The following FAF1 variants were observed in gnomAD, a reference collection of about 807,000 sequenced individuals.
FAF1 encodes FAS-associated factor 1.
In FAF1, 25 loss-of-function variants were observed where a neutral mutation model predicts 92.5. That is an observed-to-expected ratio of 0.27 (90% CI 0.20 to 0.38). The LOEUF is 0.38. Among genes scored for constraint, FAF1 ranks in the 10% least tolerant of loss-of-function variants. FAF1 has a pLI of 1.00. For synonymous variants in FAF1, 234 were observed against 273.2 expected, an observed-to-expected ratio of 0.86 and a Z score of 1.42; for missense variants, 636 against 793.3, an observed-to-expected ratio of 0.80 and a Z score of 2.38.
chr1:50,645,857 AT>A (rs1654553856), intron 8 of FAF1, among the ~76,000 whole-genome samples: 1 of 152,136 alleles, frequency 6.6e-6, no homozygotes, highest in Admixed American at 6.6e-5. Context: ...AAGAAAAAAA[AT>A]AAATCGGTGT....
At chr1:50,887,565 G>A (rs932715794) in intron 1 of FAF1, among the ~76,000 whole-genome samples, 6 of 152,168 alleles carry the variant, frequency 3.9e-5, no homozygotes, top group African/African-American at 1.4e-4. Flanking sequence ...GAAGGTGTAA[G>A]GAAGGGATCC....
At chr1:50,539,551 A>G in intron 14 of FAF1, 41 bp downstream of exon 14, 1 of 1,489,652 alleles carries the variant, frequency 6.7e-7, no homozygotes, top group Non-Finnish European at 9.1e-7. Flanking sequence ...AAGTTATCAC[A>G]TACCAGGAAG....
intron 2 of FAF1, among the ~76,000 whole-genome samples, chr1:50,841,405 C>T (rs1359146726): frequency 6.6e-6 from 1 of 151,912 alleles, no homozygotes; most frequent in African/African-American, 2.4e-5. Flanking sequence ...GGAAACATAC[C>T]AAAGTGCCAA....
Position 50,908,660 on chromosome 1 carries a change from T to G in FAF1, c.46-50663A>C, listed in dbSNP as rs372110211. On this transcript the variant is annotated intron_variant, in intron 1 of 18. Coordinates refer to ENST00000396153, the MANE Select transcript of FAF1 (RefSeq NM_007051.3). ...TTTGTCTCTTTTGATCTTTGTTGGT[T>G]TAAAGTCTGTTTTATCAGAGACTAG... Among the ~76,000 whole-genome samples, 29 of 152,278 alleles carry G rather than the reference T, an allele frequency of 1.9e-4. No homozygotes were observed. In the East Asian group the frequency reaches 2.1e-3, roughly 11 times the overall value.
chr1:50,720,679 A>ACC (rs1266942496), intron 6 of FAF1, among the ~76,000 whole-genome samples: 5 of 152,062 alleles, frequency 3.3e-5, no homozygotes, highest in Admixed American at 6.6e-5. Context: ...ACTGTCCTGA[A>ACC]CCCCCACCCT....
At chr1:50,842,014 T>C (rs1484764692) in intron 2 of FAF1, among the ~76,000 whole-genome samples, 2 of 152,104 alleles carry the variant, frequency 1.3e-5, no homozygotes, top group East Asian at 3.8e-4. Context: ...TTACACTTCC[T>C]GACTGACCAG....
intron 8 of FAF1, among the ~76,000 whole-genome samples, chr1:50,608,571 T>C (rs2124127606): frequency 6.6e-6 from 1 of 152,244 alleles, no homozygotes; most frequent in African/African-American, 2.4e-5. Flanking sequence ...GTACAACGGA[T>C]GAGGGGACCT....
chr1:50,746,764 G>A (rs1659638900), intron 4 of FAF1, among the ~76,000 whole-genome samples: 1 of 152,170 alleles, frequency 6.6e-6, no homozygotes, highest in Non-Finnish European at 1.5e-5. Context: ...CTAAAACAAT[G>A]AAGAAAAGGC....
At chr1:50,554,410 G>GAGAGAGAGAGAGAGAGAC in intron 13 of FAF1, among the ~76,000 whole-genome samples, 1 of 147,748 alleles carries the variant, frequency 6.8e-6, no homozygotes, top group Non-Finnish European at 1.5e-5. Context: ...GAGAGAGAGA[G>GAGAGAGAGAGAGAGAGAC]AGAGAGTCTT....
At chr1:50,725,831 C>G (rs1357558028) in intron 6 of FAF1, among the ~76,000 whole-genome samples, 2 of 152,220 alleles carry the variant, frequency 1.3e-5, no homozygotes, top group Non-Finnish European at 2.9e-5. Context: ...GAATTTACTC[C>G]TGCTTGAACA....
At chr1:50,619,313 T>G (rs1427863900) in intron 8 of FAF1, among the ~76,000 whole-genome samples, 1 of 152,226 alleles carries the variant, frequency 6.6e-6, no homozygotes, top group Non-Finnish European at 1.5e-5. Context: ...CCTGATTGTA[T>G]AATTGCTTTT....
intron 1 of FAF1, among the ~76,000 whole-genome samples, chr1:50,936,498 G>GT (rs1053779408): frequency 2.0e-5 from 3 of 152,144 alleles, no homozygotes; most frequent in Non-Finnish European, 2.9e-5. Flanking sequence ...ACAAAATGAC[G>GT]TAAGTTCAAG....
intron 14 of FAF1, among the ~76,000 whole-genome samples, chr1:50,538,616 T>A (rs1648609873): frequency 6.6e-6 from 1 of 150,576 alleles, no homozygotes; most frequent in Admixed American, 6.6e-5. Flanking sequence ...ACAGATATCC[T>A]AAAAGGGTCT....
chr1:50,661,052 A>C (rs778629772), intron 7 of FAF1, among the ~76,000 whole-genome samples: 1 of 152,234 alleles, frequency 6.6e-6, no homozygotes, highest in Non-Finnish European at 1.5e-5. Context: ...GAGAAACAAT[A>C]GAAAAAAATA....
chr1:50,454,039 CT>C (rs1646324642), intron 18 of FAF1, among the ~76,000 whole-genome samples: 1 of 152,218 alleles, frequency 6.6e-6, no homozygotes, highest in South Asian at 2.1e-4. Flanking sequence ...GGTGTACCAC[CT>C]TATGGACCTG....
intron 15 of FAF1, among the ~76,000 whole-genome samples, chr1:50,527,868 C>CCTCTCTCTCTCTCTCTCTCTCTCTCT (rs1332650562): frequency 1.7e-5 from 1 of 57,198 alleles, no homozygotes; most frequent in Non-Finnish European, 3.2e-5. Context: ...TCCCTCTCTC[C>CCTCTCTCTCTCTCTCTCTCTCTCTCT]CTCTCTCTCT....
intron 13 of FAF1, among the ~76,000 whole-genome samples, chr1:50,558,345 G>A (rs777080646): frequency 1.3e-5 from 2 of 151,988 alleles, no homozygotes; most frequent in Non-Finnish European, 2.9e-5. Flanking sequence ...CCAGCTATTG[G>A]GAGTAACTAT....
Position 50,882,806 on chromosome 1 carries a change from T to C in FAF1, c.46-24809A>G, listed in dbSNP as rs185749996. Among the ~76,000 whole-genome samples the C allele has an allele frequency of 3.3e-3, 499 of 151,530 alleles. 1 individual carries two copies. The highest frequency in any genetic ancestry group is 0.011 in the African/African-American group (469 of 41,296). On this transcript the variant is annotated intron_variant, in intron 1 of 18. Coordinates refer to ENST00000396153, the MANE Select transcript of FAF1 (RefSeq NM_007051.3). ...TTCAAGACCAGCGTGGCCAACATGG[T>C]GAAACCCCATCTCTACTAAAAATAC...
At chr1:50,582,294 C>A in intron 12 of FAF1, 1 of 247,666 alleles carries the variant, frequency 4.0e-6, no homozygotes, top group Non-Finnish European at 7.8e-6. Context: ...GCCAGCAGTA[C>A]CCCTATCACA....
Sources: allele counts gnomAD v4.1 joint callset (sites outside exome capture counted in the v4.1 genomes callset), GRCh38; gene constraint gnomAD v4.1.1; transcripts MANE v1.5; gene names NCBI Gene and HGNC (gene_info 2026-07-23, HGNC 2026-07-21).